The following MRPS2 variants were observed in gnomAD, a reference collection of about 807,000 sequenced individuals.
MRPS2 encodes mitochondrial ribosomal protein S2.
Under a neutral mutation model 18.9 loss-of-function variants are expected in MRPS2, and 13 were observed. The observed-to-expected ratio is 0.69, with a 90% CI of 0.45 to 1.09. The LOEUF (loss-of-function observed/expected upper bound fraction) is 1.09. MRPS2 is among the 50% of genes least tolerant of loss of function. The pLI, the probability that MRPS2 is intolerant of heterozygous loss-of-function variation, is 0.00. For missense variants in MRPS2, 389 were observed against 421.7 expected, an observed-to-expected ratio of 0.92 and a Z score of 0.68; for synonymous variants, 186 against 178.4, an observed-to-expected ratio of 1.04 and a Z score of -0.34.
chr9:135,500,846 G>T, intron 1 of MRPS2, 93 bp downstream of exon 1: 2 of 1,498,246 alleles, frequency 1.3e-6, no homozygotes, highest in East Asian at 2.5e-5. Context: ...ACGTGGAGGG[G>T]ACCCGGGGCG....
Position 135,501,132 on chromosome 9 carries a change from G to C in MRPS2, c.169+9G>C. ...GTCGGAGGACAGCACCGGTAACACT[G>C]GGCGCCCAGCCGAGTTGGGTGGGAA... is the stretch of plus-strand genomic sequence containing the variant. On this transcript the variant is annotated intron_variant, in intron 2 of 3. Transcript: ENST00000241600. The C allele has an allele frequency of 1.9e-6, 3 of 1,580,732 alleles. No individual in the cohort carries two copies. The highest frequency in any genetic ancestry group is 1.7e-6 in the Non-Finnish European group (2 of 1,167,106).
At chr9:135,500,896 G>A in intron 1 of MRPS2, 102 bp from the exon 2 acceptor site, 1 of 1,568,120 alleles carries the variant, frequency 6.4e-7, no homozygotes, top group Non-Finnish European at 8.7e-7. Context: ...GGACGCGGAG[G>A]GGACCCGTTA....
intron 2 of MRPS2, 62 bp from the exon 3 acceptor site, chr9:135,501,782 G>T: frequency 1.9e-6 from 3 of 1,598,750 alleles, no homozygotes; most frequent in Middle Eastern, 1.7e-4. Flanking sequence ...CGGGAACTGC[G>T]CTCTGCCTGT....
rs113819520 is a variant in MRPS2 at position 135,502,224 on chromosome 9, C to A, written c.299+251C>A. The A allele has an allele frequency of 1.2e-4, 152 of 1,309,056 alleles. 1 individual carries two copies. In the African/African-American group the frequency reaches 2.0e-3, roughly 17 times the overall value. The allele number at this position is 1,309,056 out of a possible 1,614,324, so 81.1% of individuals were successfully genotyped here. On this transcript the variant is annotated intron_variant, in intron 3 of 3. Coordinates refer to ENST00000241600, the MANE Select transcript of MRPS2 (RefSeq NM_016034.5). ...CAGGCCTGCTGGGGGTTGCAGGACT[C>A]CACGGGTTCAGAAATGGAAAGGCTG...
rs1476683694 is a variant in MRPS2, at chr9:135,503,536, T to G, written c.300-6T>G. 6.2e-7 allele frequency: 1 copy of G among 1,610,266 alleles called. No individual in the cohort carries two copies. Among genetic ancestry groups the G allele is most frequent in the African/African-American group, 1.3e-5 (1 of 74,862 alleles). On this transcript the variant is annotated splice_region_variant and splice_polypyrimidine_tract_variant and intron_variant, in intron 3 of 3. Coordinates refer to ENST00000241600, the MANE Select transcript of MRPS2 (RefSeq NM_016034.5). Reference sequence around the variant, plus strand: ...ATCCCCCTTGCCTTGGTGGGGTCTCTGGCAGGTTTATGGAGCCGTACATCT... The same window carrying G: ...ATCCCCCTTGCCTTGGTGGGGTCTCGGGCAGGTTTATGGAGCCGTACATCT...
Position 135,504,032 on chromosome 9 carries a change from C to A in MRPS2, c.790C>A (p.Arg264=), listed in dbSNP as rs368466713. 6.2e-7 allele frequency: 1 copy of A among 1,613,336 alleles called. No homozygotes were observed. The highest frequency in any genetic ancestry group is 2.2e-5 in the East Asian group (1 of 44,890). The change falls in exon 4 of 4, where the codon CGG becomes AGG. Residue 264 remains arginine (R), a synonymous_variant. Coordinates refer to ENST00000241600, the MANE Select transcript of MRPS2 (RefSeq NM_016034.5). This position sits in a 1 kb window ranked among gnomAD's most constrained non-coding sequence, Gnocchi z 4.3. ...QTAITRAKEK[R]QQVEALYRLQ... is the part of the protein sequence containing the mutation. ...GGCCATCACCCGGGCCAAGGAGAAG[C>A]GGCAGCAGGTTGAGGCTCTCTATCG...
At chr9:135,503,466 CTG>C in intron 3 of MRPS2, 74 bp from the exon 4 acceptor site, 47 of 1,476,494 alleles carry the variant, frequency 3.2e-5, no homozygotes, top group Non-Finnish European at 4.3e-5. Context: ...TGGTGGGCGT[CTG>C]TGTTCCTGCA....
At chr9:135,500,237 G>T, upstream of MRPS2, 1 of 292,148 alleles carries the variant, frequency 3.4e-6, no homozygotes, top group East Asian at 6.7e-5. Flanking sequence ...TGTACTCCAG[G>T]GATGCTATGC....
In MRPS2 at chr9:135,504,193, C is replaced by A; in HGVS notation, c.*60C>A. 7.0e-7 allele frequency: 1 copy of A among 1,422,072 alleles called. No individual in the cohort carries two copies. 88.1% of individuals were successfully genotyped at this position (1,422,072 alleles called of 1,614,324 possible). A position where few individuals can be genotyped will look rare whatever the true frequency, so the allele number is the denominator to read the frequency against. On this transcript the variant is annotated 3_prime_UTR_variant, in exon 4 of 4. Transcript: ENST00000241600. This position sits in a 1 kb window ranked among gnomAD's most constrained non-coding sequence, Gnocchi z 4.3. ...GCCTGTCTGAGCTGGGAGTCCCCTT[C>A]CCCAGCCCTGGGTCAGCGGCATCCT... is the stretch of plus-strand genomic sequence containing the variant.
chr9:135,501,505 C>G (rs1588367825), intron 2 of MRPS2: 1 of 815,616 alleles, frequency 1.2e-6, no homozygotes, highest in African/African-American at 1.8e-5. Flanking sequence ...TGGCTGGCCA[C>G]CTGAGACCAC....
intron 2 of MRPS2, 71 bp from the exon 3 acceptor site, chr9:135,501,773 G>A: frequency 3.2e-6 from 5 of 1,584,132 alleles, no homozygotes; most frequent in African/African-American, 1.3e-5. Context: ...AGGGGTGGGC[G>A]GGAACTGCGC....
chr9:135,503,063 C>T (rs1344509654), intron 3 of MRPS2: 14 of 983,386 alleles, frequency 1.4e-5, no homozygotes, highest in Middle Eastern at 5.1e-4. Context: ...AGCAGTGGTC[C>T]AGTGCTTTGG....
chr9:135,501,539 C>T (rs1392983732), intron 2 of MRPS2: 4 of 895,536 alleles, frequency 4.5e-6, no homozygotes, highest in Non-Finnish European at 5.9e-6. Context: ...GCCAGAAAGA[C>T]CTGAGCAACC....
At chr9:135,502,022 G>A (rs757692679) in intron 3 of MRPS2, 49 bp downstream of exon 3, 2 of 1,611,418 alleles carry the variant, frequency 1.2e-6, no homozygotes, top group South Asian at 2.2e-5. Context: ...GGAGGAACCT[G>A]GGACCTGCTC....
intron 2 of MRPS2, 65 bp downstream of exon 2, chr9:135,501,188 G>C: frequency 6.6e-7 from 1 of 1,507,464 alleles, no homozygotes; most frequent in Non-Finnish European, 8.8e-7. Flanking sequence ...CGGGGGATGC[G>C]AACCCTAGAG....
chr9:135,503,851 T>C lies in MRPS2; in HGVS notation c.609T>C (p.Phe203=). The C allele has an allele frequency of 3.1e-6, 5 of 1,613,820 alleles. No individual in the cohort carries two copies. The highest frequency in any genetic ancestry group is 4.2e-6 in the Non-Finnish European group (5 of 1,180,026). ...IIFLHTLNNI[F]EPHVAVRDAA... ...TCCTGCACACGCTCAACAACATCTT[T>C]GAGCCACACGTGGCCGTGAGAGACG... Residue 203 remains phenylalanine (F), a synonymous_variant, in exon 4 of 4, where the codon TTT becomes TTC. Transcript: ENST00000241600.
In MRPS2 at chr9:135,503,836, G is replaced by A. The variant is rs763195776; in HGVS notation, c.594G>A (p.Thr198=). ...CGGACCTCATCATCTTCCTGCACAC[G>A]CTCAACAACATCTTTGAGCCACACG... The part of the protein sequence containing the change: ...RLPDLIIFLH[T]LNNIFEPHVA... The change falls in exon 4 of 4, where the codon ACG becomes ACA. Residue 198 remains threonine, a synonymous_variant. Coordinates refer to ENST00000241600, the MANE Select transcript of MRPS2 (RefSeq NM_016034.5). The A allele has an allele frequency of 2.5e-6, 4 of 1,613,654 alleles. No individual in the cohort carries two copies. The highest frequency in any genetic ancestry group is 2.2e-5 in the East Asian group (1 of 44,872).
intron 3 of MRPS2, 41 bp from the exon 4 acceptor site, chr9:135,503,501 G>T: frequency 6.4e-7 from 1 of 1,573,704 alleles, no homozygotes; most frequent in Non-Finnish European, 8.6e-7. Context: ...AGATGGCCCC[G>T]TGAACTCTCA....
At chr9:135,502,540 A>T (rs1330643597) in intron 3 of MRPS2, 1 of 160,824 alleles carries the variant, frequency 6.2e-6, no homozygotes, top group African/African-American at 2.4e-5. Context: ...GGCCGAAGGG[A>T]TCAAACACCT....
Sources: allele counts gnomAD v4.1 joint callset, GRCh38; gene constraint gnomAD v4.1.1; non-coding constraint Gnocchi (gnomAD v3.1); transcripts MANE v1.5; gene names NCBI Gene and HGNC (gene_info 2026-07-23, HGNC 2026-07-21).